SETD1B: variants seen among roughly 807,000 people sequenced by gnomAD.
SETD1B encodes the protein SET domain containing 1B, histone lysine methyltransferase, also known as histone-lysine N-methyltransferase SETD1B.
In SETD1B, 7 loss-of-function variants were observed where a neutral mutation model predicts 148.0. The observed-to-expected ratio is 0.05, with a 90% CI of 0.03 to 0.09. The LOEUF (loss-of-function observed/expected upper bound fraction) is 0.09. SETD1B is among the 10% of genes least tolerant of loss of function. The pLI, the probability that SETD1B is intolerant of heterozygous loss-of-function variation, is 1.00. For missense variants in SETD1B, 2,155 were observed against 2,729.9 expected, an observed-to-expected ratio of 0.79 and a Z score of 4.69; for synonymous variants, 1,361 against 1,186.5, an observed-to-expected ratio of 1.15 and a Z score of -3.02.
intron 4 of SETD1B, among the ~76,000 whole-genome samples, chr12:121,807,021 G>A (rs1233473970): frequency 2.6e-5 from 4 of 152,246 alleles, no homozygotes; most frequent in Admixed American, 2.0e-4. Flanking sequence ...AACCCTGCCT[G>A]GGAGGGCAAA....
In SETD1B at chr12:121,822,557, G is replaced by A. The variant is rs200584720; in HGVS notation, c.3978G>A (p.Pro1326=). ...MLPLPLQPPL[P]PPRPPRPPSP... The stretch of plus-strand genomic sequence containing the variant: ...CCTTGCCGCTGCAACCACCATTGCC[G>A]CCCCCACGACCACCCCGGCCACCCA... Residue 1326 remains proline (P), a synonymous_variant, in exon 12 of 17, where the codon CCG becomes CCA. Transcript: ENST00000604567. The A allele has an allele frequency of 9.7e-6, 15 of 1,550,698 alleles. No homozygotes were observed. The African/African-American group carries it at 1.1e-4, about 11-fold the overall frequency.
At chr12:121,821,612 G>A (rs762525502) in intron 11 of SETD1B, among the ~76,000 whole-genome samples, 4 of 151,332 alleles carry the variant, frequency 2.6e-5, no homozygotes, top group Admixed American at 1.3e-4. Context: ...TTAGCAGGGC[G>A]TGGTGGCACG....
chr12:121,794,662 G>C, the SETD1B span, among the ~76,000 whole-genome samples: 1 of 152,160 alleles, frequency 6.6e-6, no homozygotes, highest in Non-Finnish European at 1.5e-5. Context: ...ACTGTAGGCA[G>C]TGCTATCAGG....
Position 121,804,824 on chromosome 12 carries a change from G to C in SETD1B, c.87G>C (p.Trp29Cys), listed in dbSNP as rs1438201003. Residue 29 changes from tryptophan (W) to cysteine (C), a missense_variant, in exon 2 of 17, where the codon TGG becomes TGC. By Grantham distance (215) the Trp-to-Cys change is radical. This residue lies in a region of SETD1B where 124 missense variants were observed against 282.9 expected (regional missense o/e 0.44). Coordinates refer to ENST00000604567, the MANE Select transcript of SETD1B (RefSeq NM_001353345.2). The surrounding 1 kb of genome is among the most constrained non-coding windows in gnomAD (Gnocchi z 4.6). The part of the protein sequence containing the change: ...GPSGERRNHH[W>C]RSYKLMIDPA... ...CGGGCGAGAGGAGGAACCACCATTG[G>C]AGAAGTTACAAGTTGATGATTGACC... is the stretch of plus-strand genomic sequence containing the variant. 3 of 1,550,902 alleles carry C rather than the reference G, an allele frequency of 1.9e-6. No homozygotes were observed. The highest frequency in any genetic ancestry group is 2.6e-6 in the Non-Finnish European group (3 of 1,146,810).
chr12:121,813,367 C>T (rs2137558690), intron 6 of SETD1B, among the ~76,000 whole-genome samples: 1 of 152,332 alleles, frequency 6.6e-6, no homozygotes, highest in East Asian at 1.9e-4. Context: ...GCTAAACCCC[C>T]GCTCCAATGT....
rs1423885833 is a variant in SETD1B, at chr12:121,804,029, A to T, written c.-219A>T. On this transcript the variant is annotated 5_prime_UTR_variant, in exon 1 of 17. Transcript: ENST00000604567. The surrounding 1 kb of genome is among the most constrained non-coding windows in gnomAD (Gnocchi z 4.6). ...GCGGTGTATTGTGGGATGTGCGGCT[A>T]CTGGGAGCCGAGCCTCCGCCGCCAG... 2.0e-5 allele frequency: 3 copies of T among 152,460 alleles called. No homozygotes were observed. The highest frequency in any genetic ancestry group is 7.3e-5 in the African/African-American group (3 of 41,198). The allele number at this position is 152,460 out of a possible 1,614,324, so 9.4% of individuals were successfully genotyped here.
In SETD1B at chr12:121,805,819, C is replaced by T. The variant is rs1265032835; in HGVS notation, c.274-16C>T. The T allele has an allele frequency of 1.3e-6, 2 of 1,548,848 alleles. No individual in the cohort carries two copies. The highest frequency in any genetic ancestry group is 8.7e-7 in the Non-Finnish European group (1 of 1,144,928). On this transcript the variant is annotated splice_polypyrimidine_tract_variant and intron_variant, in intron 3 of 16. Coordinates refer to ENST00000604567, the MANE Select transcript of SETD1B (RefSeq NM_001353345.2). The surrounding 1 kb of genome is among the most constrained non-coding windows in gnomAD (Gnocchi z 4.2). ...TAAACGTTCTTCAAACTCCCTTCCC[C>T]CTCGGCCCCTGCCAGATCGATGAGT...
the SETD1B span, chr12:121,795,886 G>C: frequency 6.6e-6 from 1 of 152,630 alleles, no homozygotes; most frequent in Non-Finnish European, 1.5e-5. Flanking sequence ...AGCTTGCACA[G>C]AAGTGGAGGC....
In SETD1B at chr12:121,828,210, G is replaced by A. The variant is rs192568738; in HGVS notation, c.5727+140G>A. On this transcript the variant is annotated intron_variant, in intron 16 of 16. Coordinates refer to ENST00000604567, the MANE Select transcript of SETD1B (RefSeq NM_001353345.2). The stretch of plus-strand genomic sequence containing the variant: ...TCAGGTTGGCCAAGGGTTATAGGGA[G>A]AGGAGGACATGTGAGGTCTTTTACC... The A allele has an allele frequency of 1.7e-4, 195 of 1,122,306 alleles. No individual in the cohort carries two copies. In the African/African-American group the frequency reaches 2.8e-3, roughly 16 times the overall value. 69.5% of individuals were successfully genotyped at this position (1,122,306 alleles called of 1,614,324 possible).
At chr12:121,806,238 C>T in intron 4 of SETD1B, 133 bp downstream of exon 4, 3 of 1,006,354 alleles carry the variant, frequency 3.0e-6, no homozygotes, top group South Asian at 1.7e-5. Flanking sequence ...ATTTCTTAGC[C>T]CCCTCCTGAG....
At position 121,822,881 on chromosome 12, in the gene SETD1B, C is replaced by T. The variant is rs1004628024; in HGVS notation, c.4302C>T (p.Pro1434=). ...RTPGRDFSFT[P]TFSEPSGPLL... is the part of the protein sequence containing the mutation. Reference sequence around the variant, plus strand: ...CTGGCCGGGACTTCAGCTTCACACCCACCTTCTCCGAGCCCAGCGGGCCCT... The same window carrying T: ...CTGGCCGGGACTTCAGCTTCACACCTACCTTCTCCGAGCCCAGCGGGCCCT... The change falls in exon 12 of 17, where the codon CCC becomes CCT. Residue 1434 remains proline, a synonymous_variant. Transcript: ENST00000604567. 3 of 1,490,086 alleles carry T rather than the reference C, an allele frequency of 2.0e-6. No homozygotes were observed. The highest frequency in any genetic ancestry group is 2.7e-6 in the Non-Finnish European group (3 of 1,114,472). The allele number at this position is 1,490,086 out of a possible 1,614,324, so 92.3% of individuals were successfully genotyped here. A position where few individuals can be genotyped will look rare whatever the true frequency, so the allele number is the denominator to read the frequency against.
In SETD1B at chr12:121,814,209, G is replaced by A; in HGVS notation, c.1994G>A (p.Gly665Glu). 6.5e-7 allele frequency: 1 copy of A among 1,541,068 alleles called. No individual in the cohort carries two copies. The highest frequency in any genetic ancestry group is 8.7e-7 in the Non-Finnish European group (1 of 1,145,498). Residue 665 changes from glycine to glutamate, a missense_variant, in exon 7 of 17, where the codon GGA becomes GAA. Transcript: ENST00000604567. ...CCCAAGCCCATGGTGGTGACCCCAG[G>A]AGCGGCAGCCGTGGCAGCCCCTTCT... ...DCPKPMVVTP[G>E]AAAVAAPSVL...
chr12:121,799,731 T>TGGGGGGGGGG (rs1308261766), upstream of SETD1B: 1 of 31,728 alleles, frequency 3.2e-5, no homozygotes, highest in African/African-American at 1.0e-4. Context: ...GGGGGGGGGG[T>TGGGGGGGGGG]GGGGTGGGGC....
Position 121,827,675 on chromosome 12 carries a change from G to T in SETD1B, c.5469+25G>T, listed in dbSNP as rs776681968. The T allele has an allele frequency of 3.9e-6, 6 of 1,551,500 alleles. No individual in the cohort carries two copies. In the South Asian group the frequency reaches 5.9e-5, roughly 15 times the overall value. ...GGTGAGGCCGGGCTTCACCCAGATC[G>T]CCGGGGTGGCGGCAGGACCTGAGAC... is the stretch of plus-strand genomic sequence containing the variant. On this transcript the variant is annotated intron_variant, in intron 14 of 16. Transcript: ENST00000604567.
In SETD1B at chr12:121,804,590, G is replaced by A; in HGVS notation, c.-14-134G>A. 1.4e-6 allele frequency: 1 copy of A among 696,666 alleles called. No individual in the cohort carries two copies. Among genetic ancestry groups the A allele is most frequent in the East Asian group, 2.9e-5 (1 of 34,776 alleles). The allele number at this position is 696,666 out of a possible 1,614,324, so 43.2% of individuals were successfully genotyped here. The stretch of plus-strand genomic sequence containing the variant: ...CATTCTTGTTTTGGGGGGAGCCAGC[G>A]AGACAGCTCCTTTCGGGGCGCGCTG... On this transcript the variant is annotated intron_variant, in intron 1 of 16. Transcript: ENST00000604567. The surrounding 1 kb of genome is among the most constrained non-coding windows in gnomAD (Gnocchi z 4.6).
At chr12:121,815,404 C>CG (rs752169522) in intron 7 of SETD1B, among the ~76,000 whole-genome samples, 249 of 151,886 alleles carry the variant, frequency 1.6e-3, no homozygotes, top group Non-Finnish European at 2.5e-3. Context: ...GACTGCCCCC[C>CG]CCGCCCATTG....
At chr12:121,829,244 T>C (rs1876980917) in intron 16 of SETD1B, among the ~76,000 whole-genome samples, 1 of 151,996 alleles carries the variant, frequency 6.6e-6, no homozygotes, top group Admixed American at 6.6e-5. Flanking sequence ...CAGGAGTGGA[T>C]TTTTTCAGGG....
chr12:121,824,309 C>T (rs866703002), intron 12 of SETD1B, among the ~76,000 whole-genome samples: 2 of 152,176 alleles, frequency 1.3e-5, no homozygotes, highest in South Asian at 4.1e-4. Flanking sequence ...CTCATTATCC[C>T]TGCTGTATTA....
In SETD1B at chr12:121,823,040, C is replaced by T. The variant is rs759037580; in HGVS notation, c.4461C>T (p.Pro1487=). The change falls in exon 12 of 17, where the codon CCC becomes CCT. Residue 1487 remains proline (P), a synonymous_variant. Transcript: ENST00000604567. Reference sequence around the variant, plus strand: ...CCCTGCCCTTGCCCTTGGCATTGCCCGCCGTCTTGCGGGCCCAGGCTCGTG... The same window carrying T: ...CCCTGCCCTTGCCCTTGGCATTGCCTGCCGTCTTGCGGGCCCAGGCTCGTG... ...PLPLPLPLAL[P]AVLRAQARAP... is the part of the protein sequence containing the mutation. The T allele has an allele frequency of 7.3e-5, 111 of 1,516,660 alleles. No individual in the cohort carries two copies. Among genetic ancestry groups the T allele is most frequent in the Middle Eastern group, 1.7e-4 (1 of 5,818 alleles). 94.0% of individuals were successfully genotyped at this position (1,516,660 alleles called of 1,614,324 possible). A position where few individuals can be genotyped will look rare whatever the true frequency, so the allele number is the denominator to read the frequency against.
Sources: gnomAD v4.1 joint callset for allele counts (sites outside exome capture counted in the v4.1 genomes callset) on GRCh38, gnomAD v4.1.1 for gene constraint, gnomAD v4.1.1 regional missense constraint, Gnocchi (gnomAD v3.1) non-coding constraint, MANE v1.5 for transcripts, NCBI Gene and HGNC (gene_info 2026-07-23, HGNC 2026-07-21) for gene names.